Variants in CTNNA2 observed in about 807,000 individuals in gnomAD.
CTNNA2 encodes the protein catenin alpha 2.
A neutral mutation model predicts 101.0 loss-of-function variants in CTNNA2; 42 were observed. The ratio of observed to expected loss-of-function variants is 0.42; its 90% CI spans 0.32 to 0.54. The LOEUF (loss-of-function observed/expected upper bound fraction) is 0.54, where lower values mean the gene tolerates loss of function less well. CTNNA2 is among the 20% of genes least tolerant of loss of function. The pLI, the probability that CTNNA2 is intolerant of heterozygous loss-of-function variation, is 0.14. For missense variants in CTNNA2, 871 were observed against 1,223.1 expected, an observed-to-expected ratio of 0.71 and a Z score of 4.29; for synonymous variants, 450 against 456.4, an observed-to-expected ratio of 0.99 and a Z score of 0.18.
At position 80,614,802 on chromosome 2, in the gene CTNNA2, A is replaced by G. The variant is rs182079096; in HGVS notation, c.2431-4283A>G. Among the ~76,000 whole-genome samples, 353 of 151,528 alleles carry G rather than the reference A, an allele frequency of 2.3e-3. 2 individuals are homozygous for G. Among genetic ancestry groups the G allele is most frequent in the Non-Finnish European group, 4.3e-3 (290 of 67,570 alleles). ...TGTAAGAGCAAATCCAAATACGTTCAATGTAATGTTTCCTTACATTGAACC... is the reference window on the plus strand; with the variant it reads ...TGTAAGAGCAAATCCAAATACGTTCGATGTAATGTTTCCTTACATTGAACC... On this transcript the variant is annotated intron_variant, in intron 17 of 18. Coordinates refer to ENST00000402739, the MANE Select transcript of CTNNA2 (RefSeq NM_001282597.3).
intron 1 of CTNNA2, among the ~76,000 whole-genome samples, chr2:79,599,452 A>G (rs1342823011): frequency 6.6e-6 from 1 of 152,186 alleles, no homozygotes; most frequent in Non-Finnish European, 1.5e-5. Flanking sequence ...TACATAATGC[A>G]CAGAACTAAA....
At chr2:79,471,752 G>A (rs1384433138) in intron 4 of CTNNA2, among the ~76,000 whole-genome samples, 1 of 152,000 alleles carries the variant, frequency 6.6e-6, no homozygotes, top group Non-Finnish European at 1.5e-5. Context: ...GCAGAAGAAC[G>A]GCCTGAACCC....
At chr2:80,218,263 C>T (rs1274594388) in intron 7 of CTNNA2, among the ~76,000 whole-genome samples, 3 of 152,206 alleles carry the variant, frequency 2.0e-5, no homozygotes, top group Non-Finnish European at 4.4e-5. Context: ...GGCTGTGGGT[C>T]TCTGTTTGTG....
chr2:79,530,971 C>G (rs1479342102), intron 1 of CTNNA2, among the ~76,000 whole-genome samples: 1 of 151,728 alleles, frequency 6.6e-6, no homozygotes, highest in Non-Finnish European at 1.5e-5. Context: ...TGTGCTTCAT[C>G]TGAATAATTT....
intron 7 of CTNNA2, among the ~76,000 whole-genome samples, chr2:80,140,922 T>C (rs1248526767): frequency 5.3e-5 from 8 of 152,178 alleles, no homozygotes; most frequent in African/African-American, 1.9e-4. Flanking sequence ...CAAATGTGTC[T>C]GCAAACAGAT....
At chr2:79,548,867 C>T (rs1009212553) in intron 1 of CTNNA2, among the ~76,000 whole-genome samples, 1 of 152,312 alleles carries the variant, frequency 6.6e-6, no homozygotes, top group South Asian at 2.1e-4. Flanking sequence ...GGGCCAGCTG[C>T]TGCAGCCTTC....
At chr2:80,549,901 G>A (rs1692420962) in intron 11 of CTNNA2, among the ~76,000 whole-genome samples, 1 of 152,042 alleles carries the variant, frequency 6.6e-6, no homozygotes, top group Non-Finnish European at 1.5e-5. Flanking sequence ...TACTAGATTA[G>A]CGTGCTTACT....
At chr2:80,155,797 C>G (rs910043440) in intron 7 of CTNNA2, among the ~76,000 whole-genome samples, 5 of 152,114 alleles carry the variant, frequency 3.3e-5, no homozygotes, top group African/African-American at 9.7e-5. Context: ...TTTTTTCTGT[C>G]TGCTCACATT....
chr2:80,428,393 A>G (rs917861817), intron 9 of CTNNA2, among the ~76,000 whole-genome samples: 15 of 152,220 alleles, frequency 9.9e-5, no homozygotes, highest in Non-Finnish European at 1.9e-4. Flanking sequence ...TGATATTGCA[A>G]TAGTCCAGCA....
At chr2:79,521,327 G>C (rs1359729266) in intron 1 of CTNNA2, among the ~76,000 whole-genome samples, 6 of 151,810 alleles carry the variant, frequency 4.0e-5, no homozygotes, top group Non-Finnish European at 8.8e-5. Flanking sequence ...TCTGCATGTT[G>C]ACTGCTTCCT....
chr2:79,751,866 A>C (rs1401670758), intron 3 of CTNNA2, among the ~76,000 whole-genome samples: 2 of 152,196 alleles, frequency 1.3e-5, no homozygotes, highest in African/African-American at 4.8e-5. Flanking sequence ...ATGAAACAAA[A>C]TATAGTACTA....
intron 7 of CTNNA2, among the ~76,000 whole-genome samples, chr2:80,342,902 A>T (rs1282561974): frequency 6.6e-6 from 1 of 152,200 alleles, no homozygotes; most frequent in African/African-American, 2.4e-5. Context: ...GGAGGTTCCT[A>T]CTGAAGGTTG....
At chr2:79,543,742 C>T (rs972117915) in intron 1 of CTNNA2, among the ~76,000 whole-genome samples, 1 of 152,116 alleles carries the variant, frequency 6.6e-6, no homozygotes, top group Non-Finnish European at 1.5e-5. Context: ...GGAAATAAAA[C>T]ATTGTGTCCA....
chr2:80,527,448 C>T (rs1472402396), intron 9 of CTNNA2, among the ~76,000 whole-genome samples: 3 of 152,166 alleles, frequency 2.0e-5, no homozygotes, highest in Admixed American at 2.0e-4. Flanking sequence ...CCTGAGAATT[C>T]GCATGCCTGA....
chr2:79,810,602 G>A (rs1284497738), intron 3 of CTNNA2, among the ~76,000 whole-genome samples: 1 of 149,630 alleles, frequency 6.7e-6, no homozygotes, highest in Non-Finnish European at 1.5e-5. Flanking sequence ...ATGTATACAT[G>A]TGCCATGTTG....
intron 2 of CTNNA2, among the ~76,000 whole-genome samples, chr2:79,210,511 G>A (rs1480645431): frequency 6.6e-6 from 1 of 152,030 alleles, no homozygotes; most frequent in Non-Finnish European, 1.5e-5. Context: ...GAGGAGAAGA[G>A]GAGAAAAACA....
intron 7 of CTNNA2, among the ~76,000 whole-genome samples, chr2:80,188,238 CTGA>C (rs1706256213): frequency 1.3e-5 from 2 of 152,186 alleles, no homozygotes; most frequent in Non-Finnish European, 2.9e-5. Context: ...TCTCATGAGA[CTGA>C]ATTTTGATAA....
intron 7 of CTNNA2, among the ~76,000 whole-genome samples, chr2:80,050,111 G>GTT (rs1477617694): frequency 2.0e-5 from 3 of 152,188 alleles, no homozygotes; most frequent in South Asian, 4.2e-4. Flanking sequence ...GCCCATTCGA[G>GTT]TTACCTATTG....
At chr2:79,668,843 C>A (rs1682628562) in intron 2 of CTNNA2, among the ~76,000 whole-genome samples, 1 of 152,158 alleles carries the variant, frequency 6.6e-6, no homozygotes, top group South Asian at 2.1e-4. Context: ...TTTGTAAATA[C>A]TCTATATTGT....
Sources: allele counts gnomAD v4.1 joint callset (sites outside exome capture counted in the v4.1 genomes callset), GRCh38; gene constraint gnomAD v4.1.1; transcripts MANE v1.5; gene names NCBI Gene and HGNC (gene_info 2026-07-23, HGNC 2026-07-21).